The following PTPRD variants were observed in gnomAD, a reference collection of about 807,000 sequenced individuals.
PTPRD encodes protein tyrosine phosphatase receptor type D.
In PTPRD, 34 loss-of-function variants were observed where a neutral mutation model predicts 214.5. The observed-to-expected ratio is 0.16, with a 90% CI of 0.12 to 0.21. The LOEUF (loss-of-function observed/expected upper bound fraction) is 0.21. PTPRD is among the 10% of genes least tolerant of loss of function. The pLI is 1.00. For missense variants in PTPRD, 2,545 were observed against 2,398.7 expected (o/e 1.06, Z -1.27); for synonymous variants, 1,128 against 845.7 (o/e 1.33, Z -5.79).
At chr9:10,490,362 C>A (rs1024300773) in intron 2 of PTPRD, among the ~76,000 whole-genome samples, 1 of 151,874 alleles carries the variant, frequency 6.6e-6, no homozygotes, top group African/African-American at 2.4e-5. Context: ...GAAAGAAAAA[C>A]AGAAAATAGG....
chr9:9,154,932 G>A (rs2099879948), intron 10 of PTPRD, among the ~76,000 whole-genome samples: 1 of 152,120 alleles, frequency 6.6e-6, no homozygotes, highest in Non-Finnish European at 1.5e-5. Flanking sequence ...ACTTCTGAAA[G>A]AGTTAACTCT....
At chr9:9,242,789 C>A (rs1021061080) in intron 9 of PTPRD, among the ~76,000 whole-genome samples, 1 of 152,092 alleles carries the variant, frequency 6.6e-6, no homozygotes, top group African/African-American at 2.4e-5. Context: ...GTTTCAAACT[C>A]CTCCCTTAGC....
intron 2 of PTPRD, among the ~76,000 whole-genome samples, chr9:10,438,196 T>C (rs1460892529): frequency 6.6e-6 from 1 of 151,402 alleles, no homozygotes; most frequent in Non-Finnish European, 1.5e-5. Flanking sequence ...TTTTCATTCA[T>C]ATAACAATTA....
At chr9:10,363,545 A>G (rs1177593423) in intron 2 of PTPRD, among the ~76,000 whole-genome samples, 2 of 152,252 alleles carry the variant, frequency 1.3e-5, no homozygotes, top group African/African-American at 4.8e-5. Flanking sequence ...ATTTGTCTGG[A>G]TATTTCCAAC....
At chr9:9,411,733 C>T (rs1482331789) in intron 8 of PTPRD, among the ~76,000 whole-genome samples, 3 of 152,212 alleles carry the variant, frequency 2.0e-5, no homozygotes, top group Non-Finnish European at 2.9e-5. Flanking sequence ...TAACTGAGAG[C>T]ATTTCTCTTA....
chr9:8,803,269 T>G (rs922525966), intron 11 of PTPRD, among the ~76,000 whole-genome samples: 3 of 152,102 alleles, frequency 2.0e-5, no homozygotes. Flanking sequence ...TCTGAGCAAA[T>G]GTACACCTTA....
intron 39 of PTPRD, among the ~76,000 whole-genome samples, chr9:8,351,378 T>C (rs563619364): frequency 6.6e-6 from 1 of 151,904 alleles, no homozygotes; most frequent in Admixed American, 6.6e-5. Flanking sequence ...AGATAAACTT[T>C]CACTTTAGTT....
chr9:9,036,066 A>C (rs2154380068), intron 10 of PTPRD, among the ~76,000 whole-genome samples: 1 of 152,220 alleles, frequency 6.6e-6, no homozygotes, highest in Middle Eastern at 3.4e-3. Context: ...CAAGTGTGTA[A>C]GATTTAAGAC....
intron 11 of PTPRD, among the ~76,000 whole-genome samples, chr9:8,899,291 T>C (rs2098646094): frequency 6.6e-6 from 1 of 152,166 alleles, no homozygotes; most frequent in Non-Finnish European, 1.5e-5. Context: ...AAAGGTAGCA[T>C]GCCCTCTTTA....
intron 11 of PTPRD, among the ~76,000 whole-genome samples, chr9:8,854,577 A>C (rs74967455): frequency 0.069 from 10,437 of 152,250 alleles, 375 homozygotes; most frequent in Non-Finnish European, 0.074. Flanking sequence ...AAAATCAACG[A>C]AAGAACAGTT....
At chr9:9,156,843 A>G (rs2099881602) in intron 10 of PTPRD, among the ~76,000 whole-genome samples, 1 of 152,188 alleles carries the variant, frequency 6.6e-6, no homozygotes, top group South Asian at 2.1e-4. Context: ...AGTGTTACTC[A>G]TCGTTTCTAT....
rs557145184 is a variant in PTPRD at position 9,879,790 on chromosome 9, G to A, written c.-368+58717C>T. 9.2e-5 allele frequency among the ~76,000 whole-genome samples: 14 copies of A among 152,184 alleles called. No homozygotes were observed. In the East Asian group the frequency reaches 2.5e-3, roughly 27 times the overall value. On this transcript the variant is annotated intron_variant, in intron 5 of 45. Coordinates refer to ENST00000381196, the MANE Select transcript of PTPRD (RefSeq NM_002839.4). Reference sequence around the variant, plus strand: ...AAGGGTGGAACATTTCTTGCTTCTTGGTTTTTCTGATCAGCTTAATATTGA... The same window carrying A: ...AAGGGTGGAACATTTCTTGCTTCTTAGTTTTTCTGATCAGCTTAATATTGA...
At chr9:8,965,429 G>C (rs1285153692) in intron 11 of PTPRD, among the ~76,000 whole-genome samples, 1 of 151,678 alleles carries the variant, frequency 6.6e-6, no homozygotes, top group Non-Finnish European at 1.5e-5. Context: ...TGATCTGTCA[G>C]TGAAGTGTTG....
chr9:10,549,383 A>T (rs138007758), intron 2 of PTPRD, among the ~76,000 whole-genome samples: 144 of 152,284 alleles, frequency 9.5e-4, no homozygotes, highest in African/African-American at 3.2e-3. Flanking sequence ...GGAAAAAAGG[A>T]AAGGGGAAAG....
At chr9:9,349,190 C>A (rs756227746) in intron 9 of PTPRD, among the ~76,000 whole-genome samples, 4 of 152,070 alleles carry the variant, frequency 2.6e-5, no homozygotes, top group Non-Finnish European at 5.9e-5. Context: ...TTACATATTT[C>A]ACTTAATAAA....
chr9:10,405,727 A>G (rs535212291), intron 2 of PTPRD, among the ~76,000 whole-genome samples: 22 of 151,612 alleles, frequency 1.5e-4, no homozygotes, highest in Non-Finnish European at 3.1e-4. Flanking sequence ...AATATGGACC[A>G]AAAGAATAAC....
At chr9:9,860,879 C>G (rs1341241604) in intron 5 of PTPRD, among the ~76,000 whole-genome samples, 1 of 152,144 alleles carries the variant, frequency 6.6e-6, no homozygotes, top group Non-Finnish European at 1.5e-5. Context: ...ACTAGCATCA[C>G]AAAATTGCTA....
chr9:9,965,303 A>C (rs1442619513), intron 4 of PTPRD, among the ~76,000 whole-genome samples: 1 of 152,186 alleles, frequency 6.6e-6, no homozygotes, highest in Non-Finnish European at 1.5e-5. Context: ...GCAACAGGCA[A>C]GGCTTCTAAG....
At chr9:8,407,718 A>G (rs754508130) in intron 35 of PTPRD, among the ~76,000 whole-genome samples, 12 of 152,258 alleles carry the variant, frequency 7.9e-5, no homozygotes, top group Non-Finnish European at 1.8e-4. Flanking sequence ...ATGATAAAAC[A>G]GATGGGATGC....
Sources: allele counts gnomAD v4.1 joint callset (sites outside exome capture counted in the v4.1 genomes callset), GRCh38; gene constraint gnomAD v4.1.1; transcripts MANE v1.5; gene names NCBI Gene and HGNC (gene_info 2026-07-23, HGNC 2026-07-21).